PDXDC1: variants seen among roughly 807,000 people sequenced by gnomAD.
The protein encoded by PDXDC1 is pyridoxal-dependent decarboxylase domain-containing protein 1.
Under a neutral mutation model 100.1 loss-of-function variants are expected in PDXDC1, and 42 were observed. The observed-to-expected ratio is 0.42, with a 90% confidence interval of 0.33 to 0.54. The LOEUF is 0.54. Among genes scored for constraint, PDXDC1 ranks in the 20% least tolerant of loss-of-function variants. PDXDC1 has a pLI of 0.10. For synonymous variants in PDXDC1, 260 were observed against 371.7 expected, an observed-to-expected ratio of 0.70 and a Z score of 3.46; for missense variants, 636 against 979.2, an observed-to-expected ratio of 0.65 and a Z score of 4.68.
In PDXDC1 at chr16:15,017,368, G is replaced by A. The variant is rs773850486; in HGVS notation, c.909G>A (p.Leu303=). The change falls in exon 11 of 23, where the codon CTG becomes CTA. Residue 303 remains leucine, a synonymous_variant. Transcript: ENST00000396410. ...TGACGATGACTCCTGGCCCGTGGCT[G>A]GGTTTGCCAGCTGTTCCTGCGGTGA... ...DSMTMTPGPW[L]GLPAVPAVTL... The A allele has an allele frequency of 1.2e-6, 2 of 1,614,194 alleles. No homozygotes were observed. Among genetic ancestry groups the A allele is most frequent in the South Asian group, 1.1e-5 (1 of 91,076 alleles).
chr16:15,125,789 G>C, intron 16 of PDXDC1: 1 of 1,404,414 alleles, frequency 7.1e-7, no homozygotes, highest in African/African-American at 1.4e-5. Flanking sequence ...GCAGGTGTGG[G>C]GCTCGGGCTC....
chr16:14,999,223 C>A (rs1329754682), intron 3 of PDXDC1, among the ~76,000 whole-genome samples: 1 of 152,276 alleles, frequency 6.6e-6, no homozygotes, highest in African/African-American at 2.4e-5. Flanking sequence ...CCCACCACCA[C>A]GCCCAGCTAA....
intron 19 of PDXDC1, 41 bp from the exon 20 acceptor site, chr16:15,034,245 A>AT (rs776598865): frequency 2.3e-4 from 368 of 1,578,062 alleles, no homozygotes; most frequent in Non-Finnish European, 3.0e-4. Context: ...GCCCCAGGTG[A>AT]GAACCTTAAA....
At chr16:15,095,250 G>A (rs2046313470) in intron 16 of PDXDC1, among the ~76,000 whole-genome samples, 1 of 152,140 alleles carries the variant, frequency 6.6e-6, no homozygotes, top group Non-Finnish European at 1.5e-5. Flanking sequence ...GGACTGTGGA[G>A]GATGTAGAGG....
At chr16:15,141,591 G>A (rs184409913), downstream of PDXDC1, among the ~76,000 whole-genome samples, 1 of 152,304 alleles carries the variant, frequency 6.6e-6, no homozygotes, top group African/African-American at 2.4e-5. Context: ...CACAGGGAAC[G>A]GCCCCTCCGG....
chr16:15,037,830 A>ACCAAAAAATAAGTCTCAACAAAT lies in PDXDC1; in HGVS notation c.*1556_*1578dup. 2.1e-6 allele frequency: 1 copy of ACCAAAAAATAAGTCTCAACAAAT among 480,904 alleles called. No individual in the cohort carries two copies. Among genetic ancestry groups the ACCAAAAAATAAGTCTCAACAAAT allele is most frequent in the Non-Finnish European group, 3.6e-6 (1 of 274,786 alleles). 29.8% of individuals were successfully genotyped at this position (480,904 alleles called of 1,614,324 possible). On this transcript the variant is annotated 3_prime_UTR_variant, in exon 23 of 23. Coordinates refer to ENST00000396410, the MANE Select transcript of PDXDC1 (RefSeq NM_015027.4). ...AAACTGGACATCAATTTTTTAGTAA[A>ACCAAAAAATAAGTCTCAACAAAT]CCAAAAAATAAGTCTCAACAAATGC...
chr16:15,092,995 T>G (rs1296111072), intron 16 of PDXDC1, among the ~76,000 whole-genome samples: 1 of 152,196 alleles, frequency 6.6e-6, no homozygotes. Flanking sequence ...TTTTCCCAAA[T>G]CTCTACGTGG....
intron 17 of PDXDC1, 180 bp from the exon 18 acceptor site, chr16:15,032,681 G>T: frequency 8.4e-6 from 3 of 356,798 alleles, no homozygotes; most frequent in Admixed American, 5.0e-5. Flanking sequence ...GCTTTCCTGT[G>T]ACTTTCTCTT....
downstream of PDXDC1, among the ~76,000 whole-genome samples, chr16:15,142,453 C>T (rs1391517953): frequency 6.6e-6 from 1 of 152,006 alleles, no homozygotes; most frequent in African/African-American, 2.4e-5. Context: ...GCTCCCAGGG[C>T]CCAGGGCAGT....
chr16:15,075,868 T>C (rs1364095867), intron 16 of PDXDC1, among the ~76,000 whole-genome samples: 1 of 152,040 alleles, frequency 6.6e-6, no homozygotes, highest in Non-Finnish European at 1.5e-5. Flanking sequence ...GGCCAATAGC[T>C]CACAGCCGCC....
chr16:15,033,229 C>T (rs777908436), intron 18 of PDXDC1, 49 bp from the exon 19 acceptor site: 3 of 1,607,452 alleles, frequency 1.9e-6, no homozygotes, highest in Admixed American at 1.7e-5. Flanking sequence ...CCACGTCTCA[C>T]CCATGACAGA....
chr16:14,985,002 G>A (rs1406511794), intron 1 of PDXDC1, among the ~76,000 whole-genome samples: 9 of 152,276 alleles, frequency 5.9e-5, no homozygotes, highest in African/African-American at 2.2e-4. Context: ...AGCTTCCTGA[G>A]TAGCTGGGAT....
intron 16 of PDXDC1, among the ~76,000 whole-genome samples, chr16:15,098,483 G>A (rs1275442052): frequency 2.0e-5 from 3 of 152,048 alleles, no homozygotes; most frequent in Non-Finnish European, 4.4e-5. Flanking sequence ...TTACAGGTGT[G>A]AGCCATCGTG....
rs1555577351 is a variant in PDXDC1, at chr16:15,037,933, T to TAAGACCCAACAGATGTAGGATCCAG, written c.*1660_*1684dup. ...AAGACACTGAGGAGGGAAGGAGGCCTAAGACCCAACAGATGTAGGATCCAG... is the reference window on the plus strand; with the variant it reads ...AAGACACTGAGGAGGGAAGGAGGCCTAAGACCCAACAGATGTAGGATCCAGAAGACCCAACAGATGTAGGATCCAG... On this transcript the variant is annotated 3_prime_UTR_variant, in exon 23 of 23. Transcript: ENST00000396410. The TAAGACCCAACAGATGTAGGATCCAG allele has an allele frequency of 1.2e-6, 1 of 814,460 alleles. No homozygotes were observed. Among genetic ancestry groups the TAAGACCCAACAGATGTAGGATCCAG allele is most frequent in the African/African-American group, 1.7e-5 (1 of 58,496 alleles). The allele number at this position is 814,460 out of a possible 1,614,324, so 50.5% of individuals were successfully genotyped here. A position where few individuals can be genotyped will look rare whatever the true frequency, so the allele number is the denominator to read the frequency against.
chr16:15,097,912 T>C (rs2046413610), intron 16 of PDXDC1, among the ~76,000 whole-genome samples: 2 of 150,886 alleles, frequency 1.3e-5, no homozygotes, highest in Admixed American at 6.6e-5. Flanking sequence ...TGCTGTATTA[T>C]ACTGCTGTTT....
intron 8 of PDXDC1, among the ~76,000 whole-genome samples, chr16:15,011,166 C>T (rs1178349874): frequency 1.3e-5 from 2 of 152,302 alleles, no homozygotes; most frequent in African/African-American, 4.8e-5. Flanking sequence ...CTTACCTTGT[C>T]ATACTTCAAG....
At chr16:15,035,363 G>A (rs566230650) in intron 21 of PDXDC1, 86 bp from the exon 22 acceptor site, 80 of 644,132 alleles carry the variant, frequency 1.2e-4, no homozygotes, top group Admixed American at 2.6e-4. Context: ...GGAGGTTATT[G>A]GGGAGCAAGG....
downstream of PDXDC1, chr16:15,040,151 T>G: frequency 1.4e-6 from 1 of 720,714 alleles, no homozygotes; most frequent in Non-Finnish European, 2.4e-6. Flanking sequence ...CCACCACTCC[T>G]AAGAGAAAGA....
At chr16:15,142,973 C>A (rs1242505799), downstream of PDXDC1, among the ~76,000 whole-genome samples, 2 of 152,156 alleles carry the variant, frequency 1.3e-5, no homozygotes, top group Non-Finnish European at 2.9e-5. Context: ...CACCCCAGTT[C>A]CTGCTATAAG....
Sources: gnomAD v4.1 joint callset for allele counts (sites outside exome capture counted in the v4.1 genomes callset) on GRCh38, gnomAD v4.1.1 for gene constraint, MANE v1.5 for transcripts, NCBI Gene and HGNC (gene_info 2026-07-23, HGNC 2026-07-21) for gene names.